Variants in CFAP100 observed in about 807,000 individuals in gnomAD.
CFAP100 encodes cilia and flagella associated protein 100.
CFAP100 carries 70 observed loss-of-function variants against 81.5 expected under a neutral mutation model. The observed-to-expected ratio is 0.86, with a 90% CI of 0.71 to 1.05. CFAP100 has a LOEUF of 1.05. Among genes scored for constraint, CFAP100 ranks in the 50% least tolerant of loss-of-function variants. The probability of loss-of-function intolerance (pLI) is 0.00; values close to 1 mark genes in which losing one functional copy is unlikely to be tolerated. For missense variants in CFAP100, 811 were observed against 776.5 expected (o/e 1.04, Z -0.53); for synonymous variants, 341 against 314.8 (o/e 1.08, Z -0.88).
rs1034865178 is a variant in CFAP100 at position 126,417,052 on chromosome 3, A to C, written c.418+544A>C. On this transcript the variant is annotated intron_variant, in intron 5 of 16. Coordinates refer to ENST00000352312, the MANE Select transcript of CFAP100 (RefSeq NM_182628.3). ...GAGGCTGCTGTATTGCGTGATTCGG[A>C]AGGTGGGCAGTGTACAGTGGGCGCA... Among the ~76,000 whole-genome samples, 18 of 152,288 alleles carry C rather than the reference A, an allele frequency of 1.2e-4. 1 individual carries two copies. In the Middle Eastern group the frequency reaches 0.014, roughly 115 times the overall value.
chr3:126,413,591 C>T (rs2083189909), intron 3 of CFAP100, among the ~76,000 whole-genome samples: 1 of 152,246 alleles, frequency 6.6e-6, no homozygotes, highest in Admixed American at 6.5e-5. Context: ...CCTCTCTGGG[C>T]CTCTGGGCCC....
At position 126,427,229 on chromosome 3, in the gene CFAP100, C is replaced by T. The variant is rs186681242; in HGVS notation, c.1286+3585C>T. On this transcript the variant is annotated intron_variant, in intron 13 of 16. Transcript: ENST00000352312. The stretch of plus-strand genomic sequence containing the variant: ...GAAGATGAACAAGAAAACTGGGTGA[C>T]TGACACTAGCCAACCTCAAGACTTA... 7.9e-5 allele frequency among the ~76,000 whole-genome samples: 12 copies of T among 152,300 alleles called. No individual in the cohort carries two copies. In the East Asian group the frequency reaches 2.1e-3, roughly 27 times the overall value.
intron 11 of CFAP100, among the ~76,000 whole-genome samples, chr3:126,422,092 G>C (rs1276615205): frequency 6.6e-6 from 1 of 152,230 alleles, no homozygotes; most frequent in Non-Finnish European, 1.5e-5. Context: ...ACTGAGTATA[G>C]CTGGGCAGGT....
intron 13 of CFAP100, among the ~76,000 whole-genome samples, chr3:126,426,748 C>CAATA (rs915179269): frequency 8.5e-5 from 13 of 152,134 alleles, no homozygotes; most frequent in African/African-American, 3.1e-4. Context: ...GACTCCGTCT[C>CAATA]AATAAATAAA....
At chr3:126,416,030 G>C (rs1317324869) in intron 4 of CFAP100, among the ~76,000 whole-genome samples, 1 of 152,184 alleles carries the variant, frequency 6.6e-6, no homozygotes, top group Admixed American at 6.5e-5. Flanking sequence ...CGGAGAAAAT[G>C]AGACATCATC....
At chr3:126,402,707 G>A (rs975967693) in intron 2 of CFAP100, among the ~76,000 whole-genome samples, 4 of 152,030 alleles carry the variant, frequency 2.6e-5, no homozygotes, top group Non-Finnish European at 2.9e-5. Flanking sequence ...GGGGAGGGGA[G>A]GGAAGGGAAG....
chr3:126,420,148 G>A lies in CFAP100; in HGVS notation c.1001G>A (p.Arg334Gln), dbSNP rs375786267. ...CCCTGGAGGTTTCTGCAGACGATGC[G>A]GCTGGGGCGGAGCCCGTCTTACCTG... is the stretch of plus-strand genomic sequence containing the variant. ...KKPWRFLQTM[R>Q]LGRSPSYLSS... The change falls in exon 11 of 17, where the codon CGG (arginine) becomes CAG (glutamine). Residue 334 changes from arginine (R) to glutamine (Q), a missense_variant. Coordinates refer to ENST00000352312, the MANE Select transcript of CFAP100 (RefSeq NM_182628.3). 1.4e-5 allele frequency: 22 copies of A among 1,612,902 alleles called. No individual in the cohort carries two copies. Among genetic ancestry groups the A allele is most frequent in the South Asian group, 5.5e-5 (5 of 91,072 alleles).
intron 3 of CFAP100, among the ~76,000 whole-genome samples, chr3:126,410,709 C>T (rs940654583): frequency 3.9e-5 from 6 of 152,196 alleles, no homozygotes; most frequent in Non-Finnish European, 1.5e-5. Flanking sequence ...TGAGGACCCT[C>T]ATTTTAATGC....
At chr3:126,418,854 A>G in intron 7 of CFAP100, 80 bp downstream of exon 7, 1 of 1,458,962 alleles carries the variant, frequency 6.9e-7, no homozygotes, top group South Asian at 1.3e-5. Context: ...CCACTTATCC[A>G]GCCTCTGCCC....
At chr3:126,425,456 T>C (rs1268686372) in intron 13 of CFAP100, among the ~76,000 whole-genome samples, 4 of 152,230 alleles carry the variant, frequency 2.6e-5, no homozygotes, top group African/African-American at 9.6e-5. Context: ...TCAGATGGGT[T>C]TGCTGGTGAA....
In CFAP100 at chr3:126,416,483, G is replaced by T. The variant is rs267599593; in HGVS notation, c.393G>T (p.Thr131=). 6 of 1,602,582 alleles carry T rather than the reference G, an allele frequency of 3.7e-6. No homozygotes were observed. The highest frequency in any genetic ancestry group is 3.3e-4 in the Middle Eastern group (2 of 6,020). The change falls in exon 5 of 17, where the codon ACG becomes ACT. Residue 131 remains threonine (T), a synonymous_variant. Transcript: ENST00000352312. ...AEHQRAFRDY[T]TWKLTLTKEK... The stretch of plus-strand genomic sequence containing the variant: ...ATCAGCGCGCCTTCCGCGACTACAC[G>T]ACCTGGAAGCTCACCTTGACCAAAG...
chr3:126,417,632 G>A (rs1007756425), intron 5 of CFAP100, among the ~76,000 whole-genome samples: 1 of 152,198 alleles, frequency 6.6e-6, no homozygotes, highest in Non-Finnish European at 1.5e-5. Context: ...CAAGTGACTG[G>A]GGAGGCGGGA....
intron 2 of CFAP100, among the ~76,000 whole-genome samples, chr3:126,398,479 C>T (rs893566554): frequency 6.6e-6 from 1 of 152,186 alleles, no homozygotes. Context: ...CGTGTGCATG[C>T]GCGTCAGGCC....
At chr3:126,416,964 G>GT (rs1199146783) in intron 5 of CFAP100, 4 of 152,830 alleles carry the variant, frequency 2.6e-5, no homozygotes. Flanking sequence ...AAAAAACTTA[G>GT]TGTCTATAGG....
chr3:126,436,379 A>T lies in CFAP100; in HGVS notation c.1811A>T (p.Glu604Val). The T allele has an allele frequency of 6.2e-7, 1 of 1,614,032 alleles. No individual in the cohort carries two copies. Among genetic ancestry groups the T allele is most frequent in the South Asian group, 1.1e-5 (1 of 91,068 alleles). Residue 604 changes from glutamate to valine, a missense_variant, in exon 17 of 17, where the codon GAG becomes GTG. Coordinates refer to ENST00000352312, the MANE Select transcript of CFAP100 (RefSeq NM_182628.3). ...SEHTLMDKEE[E>V]ELLFFFT ...CACACACTGATGGACAAGGAGGAGG[A>T]GGAGCTGCTATTTTTCTTTACTTAA...
At chr3:126,408,813 C>T (rs1173989665) in intron 3 of CFAP100, among the ~76,000 whole-genome samples, 1 of 152,176 alleles carries the variant, frequency 6.6e-6, no homozygotes, top group African/African-American at 2.4e-5. Flanking sequence ...GACAGGGTCT[C>T]ACACTGTCAC....
At chr3:126,419,380 G>T (rs901877632) in intron 8 of CFAP100, among the ~76,000 whole-genome samples, 3 of 152,228 alleles carry the variant, frequency 2.0e-5, no homozygotes, top group African/African-American at 7.2e-5. Context: ...TTGGCTCAAA[G>T]GCTTGCCCAG....
At chr3:126,434,447 C>A in intron 15 of CFAP100, 66 bp downstream of exon 15, 1 of 1,482,622 alleles carries the variant, frequency 6.7e-7, no homozygotes, top group Non-Finnish European at 9.2e-7. Context: ...AGGGCACATA[C>A]AGGCCCCACC....
intron 15 of CFAP100, among the ~76,000 whole-genome samples, chr3:126,435,355 C>T (rs1933403674): frequency 6.6e-6 from 1 of 151,926 alleles, no homozygotes. Flanking sequence ...CCTGGTTGTC[C>T]TCCTCTGGGC....
Sources: allele counts gnomAD v4.1 joint callset (sites outside exome capture counted in the v4.1 genomes callset), GRCh38; gene constraint gnomAD v4.1.1; transcripts MANE v1.5; gene names NCBI Gene and HGNC (gene_info 2026-07-23, HGNC 2026-07-21).